The following ANO6 variants were observed in gnomAD, a reference collection of about 807,000 sequenced individuals.
ANO6 encodes anoctamin 6, also known as anoctamin-6.
ANO6 carries 106 observed loss-of-function variants against 117.5 expected under a neutral mutation model. The ratio of observed to expected loss-of-function variants is 0.90; its 90% CI spans 0.77 to 1.06. The LOEUF (loss-of-function observed/expected upper bound fraction) is 1.06, where lower values mean the gene tolerates loss of function less well. Ranked by LOEUF, ANO6 falls within the 50% of genes least tolerant of loss-of-function variation. ANO6 has a pLI of 0.00. For synonymous variants in ANO6, 367 were observed against 385.1 expected, an observed-to-expected ratio of 0.95 and a Z score of 0.55; for missense variants, 955 against 1,121.1, an observed-to-expected ratio of 0.85 and a Z score of 2.12.
At chr12:45,294,869 G>T (rs1433276582) in intron 1 of ANO6, among the ~76,000 whole-genome samples, 1 of 152,206 alleles carries the variant, frequency 6.6e-6, no homozygotes, top group African/African-American at 2.4e-5. Context: ...GGAAAAATTG[G>T]TGCCTAATGA....
intron 1 of ANO6, among the ~76,000 whole-genome samples, chr12:45,282,281 G>C (rs1170016537): frequency 6.6e-6 from 1 of 152,218 alleles, no homozygotes; most frequent in Non-Finnish European, 1.5e-5. Context: ...GCTCAGAAGA[G>C]ATGGCTGAAA....
chr12:45,311,364 G>A (rs576279069), intron 2 of ANO6, among the ~76,000 whole-genome samples: 1 of 152,212 alleles, frequency 6.6e-6, no homozygotes, highest in East Asian at 1.9e-4. Context: ...AATTGAGCAT[G>A]TGATAACAAT....
In ANO6 at chr12:45,237,430, T is replaced by C. The variant is rs553455330; in HGVS notation, c.70+21039T>C. Among the ~76,000 whole-genome samples the C allele has an allele frequency of 1.8e-3, 268 of 152,246 alleles. 1 individual carries two copies. The highest frequency in any genetic ancestry group is 2.8e-3 in the Non-Finnish European group (190 of 68,000). On this transcript the variant is annotated intron_variant, in intron 1 of 19. Transcript: ENST00000320560. ...GTGTAAGGAAGGGATCCAGTTTCAG[T>C]TTTCTACATATGGCTAGCCAGTTTT... is the stretch of plus-strand genomic sequence containing the variant.
chr12:45,389,733 C>T (rs1334502427), intron 11 of ANO6, among the ~76,000 whole-genome samples: 2 of 152,102 alleles, frequency 1.3e-5, no homozygotes, highest in Non-Finnish European at 2.9e-5. Flanking sequence ...GTTAACTTCC[C>T]GGTGCCTCAG....
At chr12:45,305,785 G>T (rs1455067017) in intron 2 of ANO6, among the ~76,000 whole-genome samples, 2 of 152,156 alleles carry the variant, frequency 1.3e-5, no homozygotes, top group Non-Finnish European at 2.9e-5. Flanking sequence ...GTGGTTGCAT[G>T]CAGGATATCC....
intron 1 of ANO6, among the ~76,000 whole-genome samples, chr12:45,221,067 G>C (rs985617447): frequency 1.3e-5 from 2 of 151,960 alleles, no homozygotes; most frequent in African/African-American, 2.4e-5. Context: ...AGTGGGGGGG[G>C]GCAGCCTTGT....
chr12:45,320,352 A>G (rs1940215693), intron 2 of ANO6, among the ~76,000 whole-genome samples: 1 of 151,950 alleles, frequency 6.6e-6, no homozygotes, highest in Non-Finnish European at 1.5e-5. Flanking sequence ...GAACATCTTT[A>G]TTTCTGCCTT....
intron 2 of ANO6, among the ~76,000 whole-genome samples, chr12:45,325,214 T>C (rs899183711): frequency 6.6e-6 from 1 of 152,204 alleles, no homozygotes; most frequent in African/African-American, 2.4e-5. Context: ...TTCCAACTGA[T>C]TCCAGAATAT....
chr12:45,413,419 C>G (rs1286582070), intron 16 of ANO6, among the ~76,000 whole-genome samples: 1 of 152,124 alleles, frequency 6.6e-6, no homozygotes, highest in East Asian at 1.9e-4. Context: ...TAGGAAATGC[C>G]TAAGTGTTGG....
chr12:45,421,287 T>C lies in ANO6; in HGVS notation c.2420+14T>C. 2 of 1,612,694 alleles carry C rather than the reference T, an allele frequency of 1.2e-6. No homozygotes were observed. Among genetic ancestry groups the C allele is most frequent in the Non-Finnish European group, 1.7e-6 (2 of 1,178,978 alleles). ...TACCACATGCAGGCAAGTTCTGCTT[T>C]ACTTGTTTAAAAATGCACTTCATCT... On this transcript the variant is annotated intron_variant, in intron 18 of 19. Transcript: ENST00000320560.
At chr12:45,252,211 C>G (rs930458130) in intron 1 of ANO6, among the ~76,000 whole-genome samples, 1 of 152,160 alleles carries the variant, frequency 6.6e-6, no homozygotes, top group Admixed American at 6.5e-5. Context: ...CACACCATCA[C>G]ACACACAAAA....
intron 3 of ANO6, chr12:45,335,740 T>C (rs1940805373): frequency 6.6e-6 from 1 of 152,072 alleles, no homozygotes; most frequent in African/African-American, 2.4e-5. Context: ...ATGCAGATCT[T>C]GTACATTTTT....
intron 1 of ANO6, among the ~76,000 whole-genome samples, chr12:45,286,702 T>C (rs1938927248): frequency 6.6e-6 from 1 of 152,244 alleles, no homozygotes; most frequent in Non-Finnish European, 1.5e-5. Context: ...ATAACATTTT[T>C]TCCCCTCTCA....
chr12:45,335,045 A>G (rs1357984880), intron 3 of ANO6, among the ~76,000 whole-genome samples: 4 of 152,002 alleles, frequency 2.6e-5, no homozygotes, highest in Admixed American at 6.6e-5. Flanking sequence ...ACAACCCTGA[A>G]TATGATTTAT....
intron 2 of ANO6, among the ~76,000 whole-genome samples, chr12:45,330,047 A>G (rs1028160951): frequency 2.0e-5 from 3 of 152,102 alleles, no homozygotes; most frequent in Non-Finnish European, 4.4e-5. Context: ...GAAAGGTCTC[A>G]TGGCAGTCAC....
chr12:45,216,117 G>A lies in ANO6; in HGVS notation c.-205G>A. ...CTCAGTCTCCGGGCTCCGCTCGGCA[G>A]GCGAGAGGCGTCCTCCGGCTCTGGG... On this transcript the variant is annotated 5_prime_UTR_variant, in exon 1 of 20. Coordinates refer to ENST00000320560, the MANE Select transcript of ANO6 (RefSeq NM_001025356.3). 3.4e-6 allele frequency: 2 copies of A among 586,768 alleles called. No homozygotes were observed. The highest frequency in any genetic ancestry group is 3.0e-5 in the East Asian group (1 of 33,272). 36.3% of individuals were successfully genotyped at this position (586,768 alleles called of 1,614,324 possible).
At chr12:45,239,170 C>G (rs567916523) in intron 1 of ANO6, among the ~76,000 whole-genome samples, 92 of 152,142 alleles carry the variant, frequency 6.0e-4, no homozygotes, top group Non-Finnish European at 8.8e-4. Context: ...CCATCTGGTC[C>G]TGGACTTTTT....
intron 12 of ANO6, among the ~76,000 whole-genome samples, chr12:45,396,018 A>G (rs1942601792): frequency 1.3e-5 from 2 of 152,208 alleles, no homozygotes; most frequent in South Asian, 4.1e-4. Flanking sequence ...AAAGAAATAA[A>G]GGGTATTCAA....
intron 1 of ANO6, among the ~76,000 whole-genome samples, chr12:45,272,044 T>C (rs181926747): frequency 2.4e-4 from 36 of 152,306 alleles, no homozygotes; most frequent in Non-Finnish European, 1.2e-4. Flanking sequence ...AAAACAAATA[T>C]TCTTGAAACT....
Sources: gnomAD v4.1 joint callset for allele counts (sites outside exome capture counted in the v4.1 genomes callset) on GRCh38, gnomAD v4.1.1 for gene constraint, MANE v1.5 for transcripts, NCBI Gene and HGNC (gene_info 2026-07-23, HGNC 2026-07-21) for gene names.